Variants in RGPD8 observed in about 807,000 individuals in gnomAD.
The protein encoded by RGPD8 is RANBP2 like and GRIP domain containing 8.
In RGPD8, 15 loss-of-function variants were observed where a neutral mutation model predicts 89.1. The observed-to-expected ratio is 0.17, with a 90% CI of 0.11 to 0.26. RGPD8 has a LOEUF of 0.26. RGPD8 is among the 10% of genes least tolerant of loss of function. RGPD8 has a pLI of 1.00. For synonymous variants in RGPD8, 62 were observed against 420.9 expected, an observed-to-expected ratio of 0.15 and a Z score of 10.44; for missense variants, 178 against 1,179.6, an observed-to-expected ratio of 0.15 and a Z score of 12.44.
At chr2:112,430,172 C>T (rs374874212) in intron 1 of RGPD8, among the ~76,000 whole-genome samples, 126 of 152,254 alleles carry the variant, frequency 8.3e-4, no homozygotes, top group African/African-American at 2.9e-3. Context: ...GATATACAGA[C>T]GCATCATCAC....
chr2:112,429,374 A>C (rs1215167259), intron 1 of RGPD8, among the ~76,000 whole-genome samples: 45 of 140,178 alleles, frequency 3.2e-4, no homozygotes, highest in Middle Eastern at 3.6e-3. Flanking sequence ...CGAGATCGCG[A>C]CACTGCACTC....
chr2:112,433,468 G>A lies in RGPD8; in HGVS notation c.-15C>T, dbSNP rs751305832. The A allele has an allele frequency of 6.2e-7, 1 of 1,606,204 alleles. No homozygotes were observed. Among genetic ancestry groups the A allele is most frequent in the Non-Finnish European group, 8.5e-7 (1 of 1,177,630 alleles). On this transcript the variant is annotated 5_prime_UTR_variant, in exon 1 of 23. Transcript: ENST00000302558. The stretch of plus-strand genomic sequence containing the variant: ...CTGCGCCTCATCGCGCCGCCAACCT[G>A]GCTCCCGAGACGCGTGCGAGCACCG...
Position 112,425,937 on chromosome 2 carries a change from C to A in RGPD8, c.73-1630G>T, listed in dbSNP as rs367590211. On this transcript the variant is annotated intron_variant, in intron 1 of 22. Coordinates refer to ENST00000302558, the MANE Select transcript of RGPD8 (RefSeq NM_001164463.1). ...ACATGTTTCCTGTTTGTGTCCTCCA[C>A]CCACAAATTTAATGTCTTGTCCATC... 7.2e-5 allele frequency among the ~76,000 whole-genome samples: 11 copies of A among 152,168 alleles called. No individual in the cohort carries two copies. The South Asian group carries it at 1.0e-3, about 14-fold the overall frequency.
rs531757870 is a variant in RGPD8 at position 112,433,316 on chromosome 2, G to T, written c.72+66C>A. 4.0e-4 allele frequency: 593 copies of T among 1,480,070 alleles called. 3 individuals carry two copies. The Middle Eastern group carries it at 0.011, about 27-fold the overall frequency. 91.7% of individuals were successfully genotyped at this position (1,480,070 alleles called of 1,614,324 possible). A position where few individuals can be genotyped will look rare whatever the true frequency, so the allele number is the denominator to read the frequency against. ...CCCCTGACCCATCGAGGCCGCCGCC[G>T]GGCCGGGTCGAGGCCGCCGCCGCCC... is the stretch of plus-strand genomic sequence containing the variant. On this transcript the variant is annotated intron_variant, in intron 1 of 22. Transcript: ENST00000302558.
intron 1 of RGPD8, among the ~76,000 whole-genome samples, chr2:112,430,168 C>T (rs1407295206): frequency 6.6e-6 from 1 of 152,152 alleles, no homozygotes; most frequent in Non-Finnish European, 1.5e-5. Context: ...ATATGATATA[C>T]AGACGCATCA....
intron 7 of RGPD8, among the ~76,000 whole-genome samples, chr2:112,411,510 G>A (rs1312738301): frequency 2.6e-5 from 1 of 37,802 alleles, no homozygotes; most frequent in Admixed American, 4.2e-4. Flanking sequence ...GGTGGAGCTT[G>A]CAGTGAGCCG....
chr2:112,390,135 T>C lies in RGPD8; in HGVS notation c.2810A>G (p.Glu937Gly). ...GCCAGTATCATTTTCAAGAGGCTTT[T>C]CCCTTTTCTTTTCTTGATTTCCTGG... is the stretch of plus-strand genomic sequence containing the variant. ...SEPGNQEKKR[E>G]KPLENDTGLQ... Residue 937 changes from glutamate to glycine, a missense_variant, in exon 20 of 23, where the codon GAA (glutamate) becomes GGA (glycine). By Grantham distance (98) the Glu-to-Gly change is moderately conservative. Coordinates refer to ENST00000302558, the MANE Select transcript of RGPD8 (RefSeq NM_001164463.1). 1 of 1,603,404 alleles carries C rather than the reference T, an allele frequency of 6.2e-7. No homozygotes were observed. Among genetic ancestry groups the C allele is most frequent in the Non-Finnish European group, 8.5e-7 (1 of 1,175,928 alleles).
chr2:112,411,666 T>C (rs1248164792), intron 7 of RGPD8, among the ~76,000 whole-genome samples: 1 of 31,396 alleles, frequency 3.2e-5, no homozygotes, highest in Non-Finnish European at 4.9e-5. Flanking sequence ...CCAAGGCAGG[T>C]AGATCAAGAG....
chr2:112,374,855 ATTCT>A (rs1393762730), intron 22 of RGPD8, among the ~76,000 whole-genome samples: 13 of 96,194 alleles, frequency 1.4e-4, no homozygotes, highest in African/African-American at 5.5e-4. Flanking sequence ...TGTAGTTTAC[ATTCT>A]TTTTTTTTTT....
chr2:112,370,978 T>C (rs1233769482), intron 22 of RGPD8, among the ~76,000 whole-genome samples: 4 of 150,118 alleles, frequency 2.7e-5, no homozygotes, highest in African/African-American at 4.9e-5. Flanking sequence ...TTGAACATTA[T>C]TTATTGTCTT....
chr2:112,433,136 G>T (rs1437242773), intron 1 of RGPD8, among the ~76,000 whole-genome samples: 1 of 118,634 alleles, frequency 8.4e-6, no homozygotes, highest in Non-Finnish European at 1.8e-5. Context: ...GGCCGCCGCC[G>T]GGCCGGGTCG....
intron 1 of RGPD8, among the ~76,000 whole-genome samples, chr2:112,424,750 A>G (rs1423127658): frequency 9.3e-5 from 14 of 151,280 alleles, no homozygotes; most frequent in Admixed American, 2.0e-4. Flanking sequence ...CATCATCATC[A>G]TCATCATCAT....
chr2:112,432,733 G>T (rs1680100716), intron 1 of RGPD8: 8 of 985,318 alleles, frequency 8.1e-6, no homozygotes, highest in Middle Eastern at 5.2e-4. Context: ...GAAAGCCCGG[G>T]CCAGGGCGAG....
At chr2:112,431,796 C>G (rs1223488461) in intron 1 of RGPD8, among the ~76,000 whole-genome samples, 3 of 152,132 alleles carry the variant, frequency 2.0e-5, no homozygotes, top group African/African-American at 7.2e-5. Flanking sequence ...GCCACCACGT[C>G]CGGCTAACTT....
At chr2:112,413,217 T>A (rs1574012631) in intron 6 of RGPD8, among the ~76,000 whole-genome samples, 1 of 140,786 alleles carries the variant, frequency 7.1e-6, no homozygotes, top group Non-Finnish European at 1.5e-5. Context: ...ACCTCCCAGG[T>A]TCAAGTGATT....
At chr2:112,379,521 G>A (rs1417502884) in intron 21 of RGPD8, among the ~76,000 whole-genome samples, 1 of 149,548 alleles carries the variant, frequency 6.7e-6, no homozygotes, top group African/African-American at 2.4e-5. Flanking sequence ...CTTGAACCTG[G>A]GAGGCGGAGA....
intron 6 of RGPD8, among the ~76,000 whole-genome samples, chr2:112,415,311 G>A (rs1679348557): frequency 6.6e-6 from 1 of 152,332 alleles, no homozygotes; most frequent in South Asian, 2.1e-4. Context: ...CATGAACCTG[G>A]GAGGTTCACA....
rs1165779560 is a variant in RGPD8 at position 112,417,215 on chromosome 2, C to T, written c.760G>A (p.Glu254Lys). The change falls in exon 6 of 23, where the codon GAA (glutamate) becomes AAA (lysine). Residue 254 changes from glutamate (E) to lysine (K), a missense_variant. Transcript: ENST00000302558. ...CACCTTTCCAGTAATTCTCTATTTTCCTGCACATCTCTAGTGGAAAGCGTA... is the reference window on the plus strand; with the variant it reads ...CACCTTTCCAGTAATTCTCTATTTTTCTGCACATCTCTAGTGGAAAGCGTA... ...LLTLSTRDVQ[E>K]NRELLESFDS... 1.9e-6 allele frequency: 3 copies of T among 1,609,808 alleles called. No individual in the cohort carries two copies. The South Asian group carries it at 3.3e-5, about 18-fold the overall frequency.
In RGPD8 at chr2:112,372,982, A is replaced by G. The variant is rs887858475; in HGVS notation, c.5264-2770T>C. On this transcript the variant is annotated intron_variant, in intron 22 of 22. Transcript: ENST00000302558. ...GTGTATGTATGGTGTACAAGTGACA[A>G]TATTCAGATCTGTAAACTGTAACCC... Among the ~76,000 whole-genome samples the G allele has an allele frequency of 1.1e-4, 16 of 141,802 alleles. 1 individual carries two copies. The highest frequency in any genetic ancestry group is 4.2e-4 in the African/African-American group (14 of 33,470). 93.0% of individuals were successfully genotyped at this position (141,802 alleles called of 152,430 possible).
Sources: allele counts gnomAD v4.1 joint callset (sites outside exome capture counted in the v4.1 genomes callset), GRCh38; gene constraint gnomAD v4.1.1; transcripts MANE v1.5; gene names NCBI Gene and HGNC (gene_info 2026-07-23, HGNC 2026-07-21).